Variants in HSP90AB1 observed in about 807,000 individuals in gnomAD.
HSP90AB1 encodes the protein heat shock protein HSP 90-beta.
A neutral mutation model predicts 67.8 loss-of-function variants in HSP90AB1; 17 were observed. That is an observed-to-expected ratio of 0.25 (90% CI 0.17 to 0.38). The LOEUF is 0.38. Among genes scored for constraint, HSP90AB1 ranks in the 10% least tolerant of loss-of-function variants. HSP90AB1 has a pLI of 1.00. For missense variants in HSP90AB1, 690 were observed against 899.9 expected (o/e 0.77, Z 2.98); for synonymous variants, 390 against 312.9 (o/e 1.25, Z -2.60).
Position 44,248,843 on chromosome 6 carries a change from A to G in HSP90AB1, c.147+67A>G, listed in dbSNP as rs1296794056. ...TGATACTCTAGAAGGAGGGGAAAGG[A>G]GTGGTTTGGCCTTTGTTGGGGACTA... On this transcript the variant is annotated intron_variant, in intron 2 of 11. Transcript: ENST00000371646. 6.1e-6 allele frequency: 9 copies of G among 1,478,086 alleles called. No homozygotes were observed. The Admixed American group carries it at 1.4e-4, about 23-fold the overall frequency. 91.6% of individuals were successfully genotyped at this position (1,478,086 alleles called of 1,614,324 possible).
In HSP90AB1 at chr6:44,252,044, T is replaced by C; in HGVS notation, c.1508T>C (p.Val503Ala). Residue 503 changes from valine to alanine, a missense_variant, in exon 10 of 12, where the codon GTG becomes GCG. By Grantham distance (64) the Val-to-Ala change is moderately conservative. Around this residue, in one of 7 missense-constraint regions of HSP90AB1, gnomAD observed 206 missense variants for 221.4 expected, o/e 0.93. Transcript: ENST00000371646. ...QVANSAFVER[V>A]RKRGFEVVYM... Reference sequence around the variant, plus strand: ...GCCAACTCAGCTTTTGTGGAGCGAGTGCGGAAACGGGGCTTCGAGGTGGTA... The same window carrying C: ...GCCAACTCAGCTTTTGTGGAGCGAGCGCGGAAACGGGGCTTCGAGGTGGTA... 1 of 1,613,980 alleles carries C rather than the reference T, an allele frequency of 6.2e-7. No individual in the cohort carries two copies. The highest frequency in any genetic ancestry group is 8.5e-7 in the Non-Finnish European group (1 of 1,179,990).
intron 10 of HSP90AB1, 38 bp downstream of exon 10, chr6:44,252,305 C>G: frequency 6.3e-7 from 1 of 1,583,334 alleles, no homozygotes; most frequent in Non-Finnish European, 8.6e-7. Context: ...TTTGTAACAT[C>G]TTCGAGGTGG....
chr6:44,252,693 T>C (rs1190084886), intron 10 of HSP90AB1, among the ~76,000 whole-genome samples: 1 of 152,156 alleles, frequency 6.6e-6, no homozygotes, highest in Non-Finnish European at 1.5e-5. Context: ...AGATGGGGTT[T>C]CATCGCGTTA....
rs900070318 is a variant in HSP90AB1 at position 44,247,138 on chromosome 6, G to C, written c.-58G>C. ...TCCGGCGCAGTGTTGGGACTGTCTG[G>C]GTATCGGAAAGCAAGCCTACGTTGC... is the stretch of plus-strand genomic sequence containing the variant. On this transcript the variant is annotated 5_prime_UTR_variant, in exon 1 of 12. Transcript: ENST00000371646. The C allele has an allele frequency of 6.6e-6, 1 of 152,240 alleles. No individual in the cohort carries two copies. The highest frequency in any genetic ancestry group is 2.4e-5 in the African/African-American group (1 of 41,430). The allele number at this position is 152,240 out of a possible 1,614,324, so 9.4% of individuals were successfully genotyped here. A position where few individuals can be genotyped will look rare whatever the true frequency, so the allele number is the denominator to read the frequency against.
rs201866283 is a variant in HSP90AB1, at chr6:44,249,834, G to A, written c.514G>A (p.Gly172Ser). The A allele has an allele frequency of 7.5e-6, 12 of 1,603,660 alleles. No homozygotes were observed. Among genetic ancestry groups the A allele is most frequent in the Non-Finnish European group, 7.7e-6 (9 of 1,174,304 alleles). Residue 172 changes from glycine (G) to serine (S), a missense_variant and splice_region_variant, in exon 4 of 12, where the codon GGT (glycine) becomes AGT (serine). This residue lies in a region of HSP90AB1 where 146 missense variants were observed against 143.7 expected (regional missense o/e 1.02). Coordinates refer to ENST00000371646, the MANE Select transcript of HSP90AB1 (RefSeq NM_007355.4). ...GGSFTVRADH[G>S]EPIGRGTKVI... ...TTCCTTCACTGTGCGTGCTGACCAT[G>A]GTAAGTTAGCTTTTCTGTTACAAGG...
At chr6:44,250,956 A>AG (rs1212826424) in intron 6 of HSP90AB1, 92 bp from the exon 7 acceptor site, 6 of 1,133,498 alleles carry the variant, frequency 5.3e-6, no homozygotes, top group Admixed American at 5.2e-5. Context: ...CCTTAGGCTT[A>AG]GGGAGGATCA....
chr6:44,248,469 A>G lies in HSP90AB1; in HGVS notation c.1-161A>G, dbSNP rs1780239616. ...GGCCTCCCACTTAGTGTGTAGTCTG[A>G]GATCTTTAAGAGAATGCATTTTTAG... On this transcript the variant is annotated intron_variant, in intron 1 of 11. Transcript: ENST00000371646. 4.7e-5 allele frequency: 26 copies of G among 551,476 alleles called. No individual in the cohort carries two copies. In the South Asian group the frequency reaches 7.9e-4, roughly 17 times the overall value. 34.2% of individuals were successfully genotyped at this position (551,476 alleles called of 1,614,324 possible).
chr6:44,247,157 A>G lies in HSP90AB1; in HGVS notation c.-39A>G, dbSNP rs1214864671. 3.3e-5 allele frequency: 5 copies of G among 152,246 alleles called. No homozygotes were observed. The highest frequency in any genetic ancestry group is 2.1e-4 in the South Asian group (1 of 4,836). 9.4% of individuals were successfully genotyped at this position (152,246 alleles called of 1,614,324 possible). On this transcript the variant is annotated 5_prime_UTR_variant, in exon 1 of 12. Coordinates refer to ENST00000371646, the MANE Select transcript of HSP90AB1 (RefSeq NM_007355.4). ...TGTCTGGGTATCGGAAAGCAAGCCT[A>G]CGTTGCTCACTATTACGTATAATCC...
At chr6:44,246,787 G>A (rs1582977728), upstream of HSP90AB1, among the ~76,000 whole-genome samples, 1 of 152,212 alleles carries the variant, frequency 6.6e-6, no homozygotes, top group Non-Finnish European at 1.5e-5. Flanking sequence ...CCCCACAAGT[G>A]TTTAGGGAGG....
At chr6:44,249,989 C>G (rs1561898774) in intron 4 of HSP90AB1, 32 bp from the exon 5 acceptor site, 1 of 1,613,100 alleles carries the variant, frequency 6.2e-7, no homozygotes, top group African/African-American at 1.3e-5. Flanking sequence ...ATACTTTTTA[C>G]CCTGTTACAC....
chr6:44,246,816 G>C (rs1274022043), upstream of HSP90AB1, among the ~76,000 whole-genome samples: 1 of 152,182 alleles, frequency 6.6e-6, no homozygotes, highest in East Asian at 1.9e-4. Flanking sequence ...TTCCTCGCCC[G>C]TAGAGACACC....
chr6:44,247,812 T>A (rs1561896868), intron 1 of HSP90AB1: 1 of 152,214 alleles, frequency 6.6e-6, no homozygotes, highest in Non-Finnish European at 1.5e-5. Flanking sequence ...CCTCCGCCCT[T>A]CCTCGAGAGC....
intron 2 of HSP90AB1, 113 bp from the exon 3 acceptor site, chr6:44,249,263 TG>T: frequency 1.2e-6 from 1 of 812,298 alleles, no homozygotes; most frequent in African/African-American, 1.7e-5. Context: ...GGCTCGAACC[TG>T]GGAGGTCAAG....
chr6:44,248,180 G>A (rs1168608194), intron 1 of HSP90AB1: 1 of 159,940 alleles, frequency 6.3e-6, no homozygotes, highest in Non-Finnish European at 1.4e-5. Context: ...AGGGGGAGCA[G>A]TTTAAAGTTA....
At position 44,251,140 on chromosome 6, in the gene HSP90AB1, G is replaced by C. The variant is rs1780591312; in HGVS notation, c.1050G>C (p.Lys350Asn). Residue 350 changes from lysine to asparagine, a missense_variant, in exon 7 of 12, where the codon AAG becomes AAC. This residue lies in a region of HSP90AB1 where 101 missense variants were observed against 174.8 expected (regional missense o/e 0.58). Coordinates refer to ENST00000371646, the MANE Select transcript of HSP90AB1 (RefSeq NM_007355.4). ...ACCTTTTTGAGAACAAGAAGAAAAA[G>C]AACAACATCAAACTCTATGTCCGCC... ...PFDLFENKKK[K>N]NNIKLYVRRV... 6.2e-7 allele frequency: 1 copy of C among 1,614,162 alleles called. No homozygotes were observed. Among genetic ancestry groups the C allele is most frequent in the Non-Finnish European group, 8.5e-7 (1 of 1,180,000 alleles).
At position 44,248,513 on chromosome 6, in the gene HSP90AB1, C is replaced by T. The variant is rs369908935; in HGVS notation, c.1-117C>T. On this transcript the variant is annotated intron_variant, in intron 1 of 11. Coordinates refer to ENST00000371646, the MANE Select transcript of HSP90AB1 (RefSeq NM_007355.4). The stretch of plus-strand genomic sequence containing the variant: ...TTTTTAGTCTTGGGAAGGGATAGTA[C>T]TCCGGTTAAACCAGTCTGAACTCAC... The T allele has an allele frequency of 5.8e-6, 5 of 859,722 alleles. No homozygotes were observed. In the South Asian group the frequency reaches 7.5e-5, roughly 13 times the overall value. The allele number at this position is 859,722 out of a possible 1,614,324, so 53.3% of individuals were successfully genotyped here.
chr6:44,249,330 A>T (rs1277641787), intron 2 of HSP90AB1, 47 bp from the exon 3 acceptor site: 2 of 1,473,812 alleles, frequency 1.4e-6, no homozygotes, highest in Admixed American at 3.3e-5. Context: ...ACAGAGCAAG[A>T]GTCTGTCTTG....
intron 10 of HSP90AB1, 109 bp downstream of exon 10, chr6:44,252,376 A>G (rs570531868): frequency 4.0e-6 from 4 of 998,498 alleles, no homozygotes; most frequent in Admixed American, 4.2e-5. Context: ...TTACTGTTTC[A>G]TGCCTTCTTG....
rs572820052 is a variant in HSP90AB1 at position 44,250,735 on chromosome 6, A to C, written c.957+136A>C. 2.2e-4 allele frequency: 145 copies of C among 645,660 alleles called. No individual in the cohort carries two copies. The African/African-American group carries it at 2.4e-3, about 11-fold the overall frequency. 40.0% of individuals were successfully genotyped at this position (645,660 alleles called of 1,614,324 possible). On this transcript the variant is annotated intron_variant, in intron 6 of 11. Coordinates refer to ENST00000371646, the MANE Select transcript of HSP90AB1 (RefSeq NM_007355.4). ...ATGTGATAGCCATGTGATTTCACTT[A>C]CTGATTACCCTGTCATAGTGAAGTG...
Sources: gnomAD v4.1 joint callset for allele counts (sites outside exome capture counted in the v4.1 genomes callset) on GRCh38, gnomAD v4.1.1 for gene constraint, gnomAD v4.1.1 regional missense constraint, MANE v1.5 for transcripts, NCBI Gene and HGNC (gene_info 2026-07-23, HGNC 2026-07-21) for gene names.